Variants in FHDC1 observed in about 807,000 individuals in gnomAD.
FHDC1 encodes the protein FH2 domain containing 1, also known as FH2 domain-containing protein 1.
In FHDC1, 25 loss-of-function variants were observed where a neutral mutation model predicts 52.6. The observed-to-expected ratio is 0.48, with a 90% CI of 0.35 to 0.66. FHDC1 has a LOEUF of 0.66. Ranked by LOEUF, FHDC1 falls within the 30% of genes least tolerant of loss-of-function variation. The probability of loss-of-function intolerance (pLI) is 0.01; values close to 1 mark genes in which losing one functional copy is unlikely to be tolerated. For missense variants in FHDC1, 1,459 were observed against 1,452.8 expected (o/e 1.00, Z -0.07); for synonymous variants, 616 against 581.5 (o/e 1.06, Z -0.85).
the FHDC1 span, among the ~76,000 whole-genome samples, chr4:152,927,009 G>C: frequency 1.3e-5 from 2 of 152,202 alleles, no homozygotes; most frequent in African/African-American, 4.8e-5. Context: ...TCAGGCTGAA[G>C]ACTGCTCTCT....
chr4:152,920,848 C>A, the FHDC1 span, among the ~76,000 whole-genome samples: 1 of 150,284 alleles, frequency 6.7e-6, no homozygotes, highest in African/African-American at 2.4e-5. Context: ...ATATAAGTGT[C>A]TTTTTAAAAA....
chr4:152,947,201 A>G (rs557454724), intron 2 of FHDC1, among the ~76,000 whole-genome samples: 20 of 151,574 alleles, frequency 1.3e-4, no homozygotes, highest in Admixed American at 2.6e-4. Flanking sequence ...CTTGGGCAAC[A>G]GAGCAAGACT....
In FHDC1 at chr4:152,959,037, A is replaced by G. The variant is rs116312372; in HGVS notation, c.664-1528A>G. Among the ~76,000 whole-genome samples the G allele has an allele frequency of 5.7e-3, 867 of 152,272 alleles. 10 individuals are homozygous for G. Among genetic ancestry groups the G allele is most frequent in the African/African-American group, 0.02 (843 of 41,538 alleles). On this transcript the variant is annotated intron_variant, in intron 4 of 11. Transcript: ENST00000511601. Reference sequence around the variant, plus strand: ...GATCTTTGCAAATACTCCTTTCTTTATATTTTTGAACTGTCATTTCCTATT... The same window carrying G: ...GATCTTTGCAAATACTCCTTTCTTTGTATTTTTGAACTGTCATTTCCTATT...
chr4:152,976,143 G>C lies in FHDC1; in HGVS notation c.2852G>C (p.Gly951Ala), dbSNP rs570536932. 7 of 1,611,698 alleles carry C rather than the reference G, an allele frequency of 4.3e-6. No individual in the cohort carries two copies. In the South Asian group the frequency reaches 4.4e-5, roughly 10 times the overall value. ...RQNSVRRAST[G>A]AEEQRLPRGS... ...AACTCCGTGCGGAGGGCCTCCACAGGCGCCGAAGAGCAGAGGCTGCCGCGG... is the reference window on the plus strand; with the variant it reads ...AACTCCGTGCGGAGGGCCTCCACAGCCGCCGAAGAGCAGAGGCTGCCGCGG... The change falls in exon 12 of 12, where the codon GGC becomes GCC. Residue 951 changes from glycine (G) to alanine (A), a missense_variant. Physicochemically the swap from Gly to Ala is moderately conservative, Grantham distance 60. This residue lies in a region of FHDC1 where 939 missense variants were observed against 854.5 expected (regional missense o/e 1.10). Coordinates refer to ENST00000511601, the MANE Select transcript of FHDC1 (RefSeq NM_001371116.1).
At chr4:152,974,301 C>G (rs1025577278) in intron 11 of FHDC1, among the ~76,000 whole-genome samples, 1 of 152,122 alleles carries the variant, frequency 6.6e-6, no homozygotes, top group Non-Finnish European at 1.5e-5. Context: ...GTTGGCTTTC[C>G]TTGGAGTTGA....
At chr4:152,923,505 C>T in the FHDC1 span, among the ~76,000 whole-genome samples, 1 of 152,230 alleles carries the variant, frequency 6.6e-6, no homozygotes, top group Non-Finnish European at 1.5e-5. Flanking sequence ...TTGGAAAAAA[C>T]TACTTTAAAG....
At chr4:152,953,715 C>T (rs1227104079) in intron 3 of FHDC1, among the ~76,000 whole-genome samples, 155 bp downstream of exon 3, 5 of 152,206 alleles carry the variant, frequency 3.3e-5, no homozygotes, top group African/African-American at 4.8e-5. Context: ...TCACTTTCTG[C>T]TGTTTTTCTT....
chr4:152,942,457 G>A (rs576805182), intron 1 of FHDC1, among the ~76,000 whole-genome samples: 9 of 152,232 alleles, frequency 5.9e-5, no homozygotes, highest in African/African-American at 1.9e-4. Flanking sequence ...TGTCTTATCC[G>A]TCCAAGGTGC....
rs150771735 is a variant in FHDC1, at chr4:152,962,862, A to G, written c.899A>G (p.Gln300Arg). The stretch of plus-strand genomic sequence containing the variant: ...CATTCAATATTACACTTGGTGCTCC[A>G]GGCTGGGAATATCATGAATGCAGTA... ...ELHSILHLVL[Q>R]AGNIMNAGGY... The change falls in exon 7 of 12, where the codon CAG becomes CGG. Residue 300 changes from glutamine to arginine, a missense_variant. Coordinates refer to ENST00000511601, the MANE Select transcript of FHDC1 (RefSeq NM_001371116.1). 6.2e-7 allele frequency: 1 copy of G among 1,614,012 alleles called. No homozygotes were observed. The highest frequency in any genetic ancestry group is 8.5e-7 in the Non-Finnish European group (1 of 1,180,002).
chr4:152,956,376 C>T (rs1740085260), intron 4 of FHDC1, among the ~76,000 whole-genome samples: 1 of 152,178 alleles, frequency 6.6e-6, no homozygotes, highest in African/African-American at 2.4e-5. Flanking sequence ...GGGAGGCTGC[C>T]AGCTCAGCTT....
At chr4:152,935,795 G>C (rs1579075336), upstream of FHDC1, among the ~76,000 whole-genome samples, 1 of 152,118 alleles carries the variant, frequency 6.6e-6, no homozygotes, top group Non-Finnish European at 1.5e-5. Flanking sequence ...TTGGGGCAGA[G>C]GGTGGTCTGG....
intron 1 of FHDC1, among the ~76,000 whole-genome samples, chr4:152,939,196 C>G (rs1739504889): frequency 6.6e-6 from 1 of 152,170 alleles, no homozygotes. Flanking sequence ...TCTCCTGCCT[C>G]AGCCTCCCAA....
chr4:152,923,589 C>T, the FHDC1 span, among the ~76,000 whole-genome samples: 22 of 152,272 alleles, frequency 1.4e-4, no homozygotes, highest in East Asian at 7.7e-4. Flanking sequence ...GGAGGCATCA[C>T]GCTACCTGAC....
chr4:152,964,315 A>G (rs1579098208), intron 8 of FHDC1, among the ~76,000 whole-genome samples: 1 of 152,226 alleles, frequency 6.6e-6, no homozygotes, highest in Non-Finnish European at 1.5e-5. Context: ...GCATTAAAAG[A>G]AGAAAATGTG....
chr4:152,968,001 G>C lies in FHDC1; in HGVS notation c.1122G>C (p.Glu374Asp), dbSNP rs757535974. ...TTAGATTATCTCTGGAGAACACGGA[G>C]GCAGAACTGCACTTGCTGTTTGTCA... ...KTARLSLENT[E>D]AELHLLFVRT... The change falls in exon 10 of 12, where the codon GAG becomes GAC. Residue 374 changes from glutamate (E) to aspartate (D), a missense_variant. Physicochemically the swap from Glu to Asp is conservative, Grantham distance 45. Around this residue, in one of 3 missense-constraint regions of FHDC1, gnomAD observed 513 missense variants for 581.5 expected, o/e 0.88. Coordinates refer to ENST00000511601, the MANE Select transcript of FHDC1 (RefSeq NM_001371116.1). 1 of 1,613,590 alleles carries C rather than the reference G, an allele frequency of 6.2e-7. No homozygotes were observed.
intron 2 of FHDC1, among the ~76,000 whole-genome samples, chr4:152,949,115 TAATAATAATAAG>T (rs1238688881): frequency 7.4e-4 from 57 of 77,178 alleles, no homozygotes; most frequent in African/African-American, 1.6e-3. Context: ...ATAATAATAA[TAATAATAATAAG>T]AAGAAGAAGA....
chr4:152,931,501 C>G (rs1016961773), upstream of FHDC1, among the ~76,000 whole-genome samples: 1 of 114,472 alleles, frequency 8.7e-6, no homozygotes, highest in Non-Finnish European at 1.8e-5. Flanking sequence ...CACACACACA[C>G]ACACACGAAA....
rs1561217135 is a variant in FHDC1, at chr4:152,975,864, A to C, written c.2573A>C (p.Asp858Ala). 5 of 1,514,380 alleles carry C rather than the reference A, an allele frequency of 3.3e-6. No individual in the cohort carries two copies. Among genetic ancestry groups the C allele is most frequent in the Non-Finnish European group, 4.4e-6 (5 of 1,132,784 alleles). The allele number at this position is 1,514,380 out of a possible 1,614,324, so 93.8% of individuals were successfully genotyped here. A position where few individuals can be genotyped will look rare whatever the true frequency, so the allele number is the denominator to read the frequency against. ...AGGGACAAACCCACCAAAAGGAAAG[A>C]TGTTGTAGCACCAAAGAGAGGCTCC... ...LPRDKPTKRKDVVAPKRGSLK... is the reference protein window; with the variant it reads ...LPRDKPTKRKAVVAPKRGSLK... The change falls in exon 12 of 12, where the codon GAT (aspartate) becomes GCT (alanine). Residue 858 changes from aspartate (D) to alanine (A), a missense_variant. This residue lies in a region of FHDC1 where 939 missense variants were observed against 854.5 expected (regional missense o/e 1.10). Transcript: ENST00000511601.
At chr4:152,928,263 C>T in the FHDC1 span, 3 of 660,002 alleles carry the variant, frequency 4.5e-6, no homozygotes, top group Non-Finnish European at 8.3e-6. Flanking sequence ...GGACCATTCA[C>T]GCTGCCTTAC....
Sources: allele counts gnomAD v4.1 joint callset (sites outside exome capture counted in the v4.1 genomes callset), GRCh38; gene constraint gnomAD v4.1.1; regional missense constraint gnomAD v4.1.1; transcripts MANE v1.5; gene names NCBI Gene and HGNC (gene_info 2026-07-23, HGNC 2026-07-21).